The following WWC2 variants were observed in gnomAD, a reference collection of about 807,000 sequenced individuals.
WWC2 encodes protein WWC2.
WWC2 carries 101 observed loss-of-function variants against 138.5 expected under a neutral mutation model. That is an observed-to-expected ratio of 0.73 (90% confidence interval 0.62 to 0.86). The LOEUF (loss-of-function observed/expected upper bound fraction) is 0.86. Ranked by LOEUF, WWC2 falls within the 40% of genes least tolerant of loss-of-function variation. The probability of loss-of-function intolerance (pLI) is 0.00; values close to 1 mark genes in which losing one functional copy is unlikely to be tolerated. For synonymous variants in WWC2, 558 were observed against 538.4 expected, an observed-to-expected ratio of 1.04 and a Z score of -0.50; for missense variants, 1,420 against 1,419.4, an observed-to-expected ratio of 1.00 and a Z score of -0.01.
At chr4:183,293,738 G>C (rs953216111) in intron 21 of WWC2, among the ~76,000 whole-genome samples, 4 of 152,046 alleles carry the variant, frequency 2.6e-5, no homozygotes, top group Non-Finnish European at 4.4e-5. Flanking sequence ...TAGCAAGGTG[G>C]GTGAATAGAA....
At chr4:183,236,473 T>C (rs2111301001) in intron 4 of WWC2, among the ~76,000 whole-genome samples, 1 of 152,262 alleles carries the variant, frequency 6.6e-6, no homozygotes, top group South Asian at 2.1e-4. Context: ...TACAGCTTGG[T>C]GTTTGCCTTA....
intron 5 of WWC2, among the ~76,000 whole-genome samples, chr4:183,243,463 A>T (rs1224229534): frequency 1.3e-5 from 2 of 152,214 alleles, no homozygotes; most frequent in African/African-American, 4.8e-5. Context: ...TGGTGGATAT[A>T]ATACTTCAGG....
intron 1 of WWC2, among the ~76,000 whole-genome samples, chr4:183,127,942 TAAAG>T (rs1049511417): frequency 1.3e-5 from 2 of 149,906 alleles, no homozygotes; most frequent in African/African-American, 2.5e-5. Flanking sequence ...TCCAATCTAA[TAAAG>T]AAATGTACAT....
chr4:183,268,207 G>A (rs955370752), intron 14 of WWC2, among the ~76,000 whole-genome samples: 15 of 152,178 alleles, frequency 9.9e-5, no homozygotes, highest in African/African-American at 2.7e-4. Context: ...GGGGGTGGAG[G>A]GGATAGACTT....
chr4:183,182,746 G>A (rs1734670954), intron 1 of WWC2, among the ~76,000 whole-genome samples: 1 of 152,146 alleles, frequency 6.6e-6, no homozygotes, highest in Non-Finnish European at 1.5e-5. Context: ...CAAATATTTT[G>A]ATGCAGTATT....
chr4:183,247,657 A>G (rs1422204847), intron 6 of WWC2, among the ~76,000 whole-genome samples: 1 of 139,508 alleles, frequency 7.2e-6, no homozygotes, highest in Non-Finnish European at 1.5e-5. Context: ...ACTATATACT[A>G]TATATACTAT....
At chr4:183,252,395 C>A (rs1737005257) in intron 8 of WWC2, among the ~76,000 whole-genome samples, 1 of 152,178 alleles carries the variant, frequency 6.6e-6, no homozygotes, top group South Asian at 2.1e-4. Flanking sequence ...TATGAACAGT[C>A]CTCATTGTCT....
intron 16 of WWC2, among the ~76,000 whole-genome samples, chr4:183,280,001 A>G (rs570589722): frequency 6.6e-6 from 1 of 152,100 alleles, no homozygotes; most frequent in South Asian, 2.1e-4. Context: ...TTATTTAGCT[A>G]TTGTTTTTCT....
chr4:183,249,621 A>T (rs761952116), intron 7 of WWC2, among the ~76,000 whole-genome samples: 16 of 152,150 alleles, frequency 1.1e-4, no homozygotes, highest in Non-Finnish European at 1.9e-4. Context: ...CCCTTCATAA[A>T]CTCTGAGATA....
At chr4:183,179,170 T>G (rs1397764077) in intron 1 of WWC2, among the ~76,000 whole-genome samples, 5 of 152,178 alleles carry the variant, frequency 3.3e-5, no homozygotes, top group Non-Finnish European at 7.3e-5. Context: ...TATTATATTT[T>G]CTAGGCTGTA....
At chr4:183,213,923 G>A (rs59436643) in intron 4 of WWC2, among the ~76,000 whole-genome samples, 4,321 of 148,846 alleles carry the variant, frequency 0.029, 213 homozygotes, top group African/African-American at 0.098. Flanking sequence ...TTCAATTGCC[G>A]TTAAAAAAAA....
intron 20 of WWC2, 113 bp downstream of exon 20, chr4:183,286,172 C>G (rs1256176271): frequency 4.0e-6 from 4 of 1,001,806 alleles, no homozygotes; most frequent in Non-Finnish European, 6.0e-6. Flanking sequence ...TGCGCTTGGC[C>G]TACTGAATGC....
intron 4 of WWC2, among the ~76,000 whole-genome samples, chr4:183,210,738 C>A (rs1735573221): frequency 1.3e-5 from 2 of 152,186 alleles, no homozygotes; most frequent in African/African-American, 2.4e-5. Flanking sequence ...CTATTGCTTC[C>A]AGGCTACAAA....
chr4:183,174,550 C>T (rs1215322260), intron 1 of WWC2, among the ~76,000 whole-genome samples: 1 of 152,152 alleles, frequency 6.6e-6, no homozygotes, highest in African/African-American at 2.4e-5. Context: ...TTAAAAAATC[C>T]CCTTTCTGCT....
At chr4:183,278,791 G>A (rs1238220383) in intron 16 of WWC2, among the ~76,000 whole-genome samples, 5 of 151,686 alleles carry the variant, frequency 3.3e-5, no homozygotes, top group African/African-American at 4.9e-5. Flanking sequence ...TCTGTTGTTG[G>A]TGTATAAGAA....
intron 22 of WWC2, 34 bp downstream of exon 22, chr4:183,312,502 G>T (rs758150291): frequency 2.5e-6 from 4 of 1,610,960 alleles, no homozygotes; most frequent in Admixed American, 1.7e-5. Flanking sequence ...CTTTTGGGTT[G>T]CCCTCACGGG....
intron 1 of WWC2, among the ~76,000 whole-genome samples, chr4:183,190,659 A>T (rs1351555161): frequency 6.6e-6 from 1 of 152,146 alleles, no homozygotes; most frequent in Non-Finnish European, 1.5e-5. Flanking sequence ...AGAAATTTTT[A>T]TATTAAAAAT....
At chr4:183,263,418 G>A (rs942165656) in intron 11 of WWC2, among the ~76,000 whole-genome samples, 1 of 152,198 alleles carries the variant, frequency 6.6e-6, no homozygotes, top group Non-Finnish European at 1.5e-5. Context: ...TGACACTTGG[G>A]TCTTGCTGTG....
chr4:183,263,140 G>A (rs1280922804), intron 11 of WWC2, among the ~76,000 whole-genome samples: 1 of 152,202 alleles, frequency 6.6e-6, no homozygotes, highest in East Asian at 1.9e-4. Context: ...AAAATGGAAT[G>A]TTCTGTGCCA....
Sources: gnomAD v4.1 joint callset for allele counts (sites outside exome capture counted in the v4.1 genomes callset) on GRCh38, gnomAD v4.1.1 for gene constraint, MANE v1.5 for transcripts, NCBI Gene and HGNC (gene_info 2026-07-23, HGNC 2026-07-21) for gene names.